The following TENM2 variants were observed in gnomAD, a reference collection of about 807,000 sequenced individuals.
TENM2 encodes the protein teneurin transmembrane protein 2, also known as teneurin-2.
TENM2 carries 52 observed loss-of-function variants against 245.2 expected under a neutral mutation model. The ratio of observed to expected loss-of-function variants is 0.21; its 90% CI spans 0.17 to 0.27. The LOEUF (loss-of-function observed/expected upper bound fraction) is 0.27, where lower values mean the gene tolerates loss of function less well. Ranked by LOEUF, TENM2 falls within the 10% of genes least tolerant of loss-of-function variation. The pLI is 1.00. For missense variants in TENM2, 3,046 were observed against 3,666.8 expected (o/e 0.83, Z 4.37); for synonymous variants, 1,363 against 1,438.9 (o/e 0.95, Z 1.19).
At position 168,130,554 on chromosome 5, in the gene TENM2, G is replaced by T. The variant is rs4246812; in HGVS notation, c.2422+3588G>T. 7 of 151,968 alleles carry T rather than the reference G, an allele frequency of 4.6e-5. No homozygotes were observed. The East Asian group carries it at 9.7e-4, about 21-fold the overall frequency. 9.4% of individuals were successfully genotyped at this position (151,968 alleles called of 1,614,324 possible). A position where few individuals can be genotyped will look rare whatever the true frequency, so the allele number is the denominator to read the frequency against. ...ATTCTTTAAACATAATTTTAAAATG[G>T]GTTGTTGTTCCTGTCATCTGCCACC... On this transcript the variant is annotated intron_variant, in intron 12 of 28. Coordinates refer to ENST00000518659, the Ensembl canonical transcript of TENM2.
chr5:168,027,680 G>T (rs1468216772), intron 5 of TENM2, among the ~76,000 whole-genome samples: 1 of 152,212 alleles, frequency 6.6e-6, no homozygotes, highest in Non-Finnish European at 1.5e-5. Context: ...GAACTGTCTG[G>T]TTCCTCTACT....
intron 2 of TENM2, among the ~76,000 whole-genome samples, chr5:167,858,892 T>C (rs1424741760): frequency 7.6e-6 from 1 of 131,568 alleles, no homozygotes; most frequent in Admixed American, 7.3e-5. Flanking sequence ...TGCCTTGGCC[T>C]CCCAAAGTGC....
intron 2 of TENM2, among the ~76,000 whole-genome samples, chr5:167,720,000 G>A (rs181074652): frequency 8.8e-4 from 134 of 152,302 alleles, no homozygotes; most frequent in African/African-American, 3.0e-3. Context: ...AAAAAGAGGG[G>A]GGGGCTTGGG....
In TENM2 at chr5:167,515,628, T is replaced by TGC. The variant is rs1450831702; in HGVS notation, c.502+140155_502+140156insGC. Among the ~76,000 whole-genome samples, 279 of 142,138 alleles carry TGC rather than the reference T, an allele frequency of 2.0e-3. 8 individuals are homozygous for TGC. The highest frequency in any genetic ancestry group is 7.1e-3 in the African/African-American group (269 of 37,754). The allele number at this position is 142,138 out of a possible 152,430, so 93.2% of individuals were successfully genotyped here. A position where few individuals can be genotyped will look rare whatever the true frequency, so the allele number is the denominator to read the frequency against. Reference sequence around the variant, plus strand: ...AGGGCAATATATATATACATATATATACATATATATGTATATATATACACA... The same window carrying TGC: ...AGGGCAATATATATATACATATATATGCACATATATATGTATATATATACACA... On this transcript the variant is annotated intron_variant, in intron 2 of 28. Transcript: ENST00000518659.
the TENM2 span, among the ~76,000 whole-genome samples, chr5:167,143,741 T>C: frequency 6.6e-6 from 1 of 152,174 alleles, no homozygotes; most frequent in Non-Finnish European, 1.5e-5. Context: ...GTGCAGCTGA[T>C]GCTAACTAAG....
At position 167,907,961 on chromosome 5, in the gene TENM2, C is replaced by T. The variant is rs1776237818; in HGVS notation, c.712+31766C>T. 3.3e-5 allele frequency among the ~76,000 whole-genome samples: 5 copies of T among 151,926 alleles called. No individual in the cohort carries two copies. The South Asian group carries it at 1.0e-3, about 32-fold the overall frequency. ...AAAGTTCTCCGGTTAATAAAGACAC[C>T]ATGTTTATAGATAGATAACCATAAG... On this transcript the variant is annotated intron_variant, in intron 3 of 28. Transcript: ENST00000518659.
At chr5:167,550,097 T>A (rs1216265067) in intron 2 of TENM2, among the ~76,000 whole-genome samples, 1 of 152,238 alleles carries the variant, frequency 6.6e-6, no homozygotes, top group Non-Finnish European at 1.5e-5. Context: ...TTCAGTCAAA[T>A]GCATTTTTTA....
chr5:167,063,512 T>C, the TENM2 span, among the ~76,000 whole-genome samples: 1 of 152,132 alleles, frequency 6.6e-6, no homozygotes, highest in African/African-American at 2.4e-5. Context: ...CATTAAACAG[T>C]TTTATGTCTG....
At chr5:167,938,250 A>C (rs979788189) in intron 3 of TENM2, among the ~76,000 whole-genome samples, 1 of 152,168 alleles carries the variant, frequency 6.6e-6, no homozygotes, top group African/African-American at 2.4e-5. Context: ...CAAGCAAAAA[A>C]CCTGCACATT....
intron 2 of TENM2, among the ~76,000 whole-genome samples, chr5:167,741,585 T>C (rs1761178318): frequency 6.6e-6 from 1 of 152,234 alleles, no homozygotes; most frequent in Non-Finnish European, 1.5e-5. Context: ...GGTCCGGGAA[T>C]GGAGGCCCCT....
chr5:168,050,704 A>G (rs1255336124), intron 6 of TENM2, among the ~76,000 whole-genome samples: 2 of 152,224 alleles, frequency 1.3e-5, no homozygotes, highest in African/African-American at 4.8e-5. Flanking sequence ...CAGGTTTGGG[A>G]ACAAGTCTAA....
chr5:167,356,396 C>T (rs1249590207), intron 1 of TENM2, among the ~76,000 whole-genome samples: 1 of 151,782 alleles, frequency 6.6e-6, no homozygotes, highest in African/African-American at 2.4e-5. Flanking sequence ...AGGCAGTGGG[C>T]TTTGAAAAAC....
intron 3 of TENM2, among the ~76,000 whole-genome samples, chr5:167,941,321 G>A: frequency 6.6e-6 from 1 of 152,182 alleles, no homozygotes; most frequent in Non-Finnish European, 1.5e-5. Flanking sequence ...AAAAGAAGAA[G>A]AGAATTTATC....
chr5:167,636,494 A>G (rs1779219157), intron 2 of TENM2, among the ~76,000 whole-genome samples: 1 of 152,220 alleles, frequency 6.6e-6, no homozygotes, highest in Non-Finnish European at 1.5e-5. Flanking sequence ...AGTAGATTTA[A>G]TCCATGCTTA....
intron 5 of TENM2, among the ~76,000 whole-genome samples, chr5:168,004,552 CA>C (rs1784679533): frequency 2.0e-5 from 3 of 150,028 alleles, no homozygotes; most frequent in Non-Finnish European, 3.0e-5. Flanking sequence ...CACACACACA[CA>C]CACACCACTA....
chr5:167,556,328 A>C (rs2127631457), intron 2 of TENM2, among the ~76,000 whole-genome samples: 1 of 152,034 alleles, frequency 6.6e-6, no homozygotes, highest in South Asian at 2.1e-4. Context: ...CTGGATTCTA[A>C]AACTTTAGAG....
At position 167,641,430 on chromosome 5, in the gene TENM2, T is replaced by TA. The variant is rs367809847; in HGVS notation, c.503-234554dup. On this transcript the variant is annotated intron_variant, in intron 2 of 28. Transcript: ENST00000518659. ...CTAATTAGGCAGTTCAGTGAGGAAG[T>TA]AAGGAACTTATCAAGATGGTTCAGG... 2.6e-3 allele frequency among the ~76,000 whole-genome samples: 389 copies of TA among 152,172 alleles called. 2 individuals carry two copies. Among genetic ancestry groups the TA allele is most frequent in the African/African-American group, 8.5e-3 (352 of 41,540 alleles).
chr5:167,437,190 G>T (rs141327597), intron 2 of TENM2, among the ~76,000 whole-genome samples: 1 of 152,156 alleles, frequency 6.6e-6, no homozygotes, highest in African/African-American at 2.4e-5. Context: ...AAGCCACAGG[G>T]GTGGAGCTGC....
At chr5:168,228,574 A>G (rs1216551420) in intron 25 of TENM2, among the ~76,000 whole-genome samples, 1 of 79,410 alleles carries the variant, frequency 1.3e-5, no homozygotes, top group Non-Finnish European at 2.0e-5. Context: ...GTGCTGGAAG[A>G]ACAAAACTTT....
Sources: gnomAD v4.1 joint callset for allele counts (sites outside exome capture counted in the v4.1 genomes callset) on GRCh38, gnomAD v4.1.1 for gene constraint, MANE v1.5 for transcripts, NCBI Gene and HGNC (gene_info 2026-07-23, HGNC 2026-07-21) for gene names.